Variants in IFT81 observed in about 807,000 individuals in gnomAD.
IFT81 encodes the protein intraflagellar transport protein 81 homolog.
In IFT81, 72 loss-of-function variants were observed where a neutral mutation model predicts 102.6. The observed-to-expected ratio is 0.70, with a 90% CI of 0.58 to 0.85. The LOEUF is 0.85. Among genes scored for constraint, IFT81 ranks in the 40% least tolerant of loss-of-function variants. IFT81 has a pLI of 0.00. For synonymous variants in IFT81, 237 were observed against 242.7 expected, an observed-to-expected ratio of 0.98 and a Z score of 0.22; for missense variants, 723 against 787.3, an observed-to-expected ratio of 0.92 and a Z score of 0.98.
chr12:110,146,954 TAAATG>T lies in IFT81; in HGVS notation c.952_956del (p.Glu318LysfsTer5), dbSNP rs1895259806. The stretch of plus-strand genomic sequence containing the variant: ...TTTTTTGCTTTCATGCTATTTTAGA[TAAATG>T]AAATAAACACAGAAATTAACCAGTT... On this transcript the variant is annotated frameshift_variant and splice_region_variant, in exon 10 of 19. Transcript: ENST00000242591. LOFTEE classifies it high-confidence loss of function. 1 of 1,600,342 alleles carries T rather than the reference TAAATG, an allele frequency of 6.2e-7. No homozygotes were observed. The highest frequency in any genetic ancestry group is 1.4e-5 in the African/African-American group (1 of 74,060).
At chr12:110,188,845 C>T (rs1897669640) in intron 12 of IFT81, among the ~76,000 whole-genome samples, 1 of 151,786 alleles carries the variant, frequency 6.6e-6, no homozygotes, top group African/African-American at 2.4e-5. Context: ...AGGAGAATCG[C>T]TTGAACCCGG....
rs2137296210 is a variant in IFT81, at chr12:110,129,030, A to T, written c.329A>T (p.Asn110Ile). The T allele has an allele frequency of 1.2e-6, 2 of 1,609,610 alleles. No individual in the cohort carries two copies. The highest frequency in any genetic ancestry group is 4.5e-5 in the East Asian group (2 of 44,844). Reference protein sequence around the residue: ...PVLHWLLQRTNELKKRAYLAR... With the variant: ...PVLHWLLQRTIELKKRAYLAR... ...CTCCACTGGCTTCTTCAGAGGACTA[A>T]TGAACTGAAGAAAAGAGCATATTTA... The change falls in exon 4 of 19, where the codon AAT (asparagine) becomes ATT (isoleucine). Residue 110 changes from asparagine (N) to isoleucine (I), a missense_variant. Physicochemically the swap from Asn to Ile is moderately radical, Grantham distance 149. Coordinates refer to ENST00000242591, the MANE Select transcript of IFT81 (RefSeq NM_014055.4).
chr12:110,210,293 A>T (rs536814125), intron 18 of IFT81, among the ~76,000 whole-genome samples: 5 of 152,354 alleles, frequency 3.3e-5, no homozygotes, highest in African/African-American at 1.2e-4. Context: ...AAGTACGTAG[A>T]TGAGAAATTT....
chr12:110,174,380 G>C (rs1593336044), intron 11 of IFT81, among the ~76,000 whole-genome samples: 1 of 150,282 alleles, frequency 6.7e-6, no homozygotes, highest in African/African-American at 2.5e-5. Flanking sequence ...GCTTGAACCT[G>C]GGAGGCGGAG....
intron 10 of IFT81, among the ~76,000 whole-genome samples, chr12:110,154,717 G>T (rs1216155690): frequency 1.3e-5 from 2 of 151,324 alleles, no homozygotes; most frequent in African/African-American, 4.9e-5. Context: ...TATTTCTGTT[G>T]ATGATTTCTA....
chr12:110,157,453 G>A (rs1039508648), intron 10 of IFT81, among the ~76,000 whole-genome samples: 10 of 152,188 alleles, frequency 6.6e-5, no homozygotes, highest in African/African-American at 2.4e-4. Flanking sequence ...GAAGTTTAAA[G>A]AGAGAAGATC....
intron 13 of IFT81, 38 bp from the exon 14 acceptor site, chr12:110,192,579 T>C: frequency 9.0e-7 from 1 of 1,113,834 alleles, no homozygotes. Flanking sequence ...TTTTTTTGAA[T>C]TCTTTTTTAG....
chr12:110,141,403 A>G (rs970083268), intron 8 of IFT81, among the ~76,000 whole-genome samples: 9 of 152,338 alleles, frequency 5.9e-5, no homozygotes, highest in African/African-American at 1.7e-4. Context: ...AAGAAGGAAT[A>G]GTGAAGTAAT....
chr12:110,191,092 A>G (rs1897776610), intron 13 of IFT81, 44 bp downstream of exon 13: 2 of 1,543,180 alleles, frequency 1.3e-6, no homozygotes, highest in East Asian at 4.6e-5. Flanking sequence ...GTGTAGCTAG[A>G]AGGCAGGTGT....
intron 12 of IFT81, among the ~76,000 whole-genome samples, chr12:110,181,679 C>T (rs1897318180): frequency 1.3e-5 from 2 of 152,156 alleles, no homozygotes; most frequent in South Asian, 4.1e-4. Context: ...TTTTGTCTGC[C>T]TGTTCCATCA....
chr12:110,173,774 G>A (rs1896899499), intron 11 of IFT81, among the ~76,000 whole-genome samples: 2 of 152,190 alleles, frequency 1.3e-5, no homozygotes, highest in East Asian at 3.9e-4. Flanking sequence ...CAGCATGCTG[G>A]TTAAGAGTCA....
intron 5 of IFT81, among the ~76,000 whole-genome samples, chr12:110,133,767 G>A (rs570558205): frequency 3.0e-4 from 46 of 152,252 alleles, no homozygotes; most frequent in Non-Finnish European, 5.1e-4. Context: ...TTCAATTAAT[G>A]TCATTTCATG....
At chr12:110,142,496 G>A (rs906054402) in intron 8 of IFT81, among the ~76,000 whole-genome samples, 3 of 152,084 alleles carry the variant, frequency 2.0e-5, no homozygotes, top group Non-Finnish European at 4.4e-5. Context: ...TTAACTTGTG[G>A]TGCTTTTAGT....
chr12:110,127,550 T>C, intron 2 of IFT81, 26 bp downstream of exon 2: 4 of 1,564,232 alleles, frequency 2.6e-6, no homozygotes, highest in Non-Finnish European at 3.4e-6. Context: ...TTCTTTTTGA[T>C]GGGTAGCAGA....
intron 11 of IFT81, among the ~76,000 whole-genome samples, chr12:110,166,422 T>G (rs536019075): frequency 6.6e-6 from 1 of 152,128 alleles, no homozygotes; most frequent in Admixed American, 6.6e-5. Flanking sequence ...GCATGCTCAG[T>G]CTTGAGCACT....
At chr12:110,199,739 A>G (rs531450782) in intron 14 of IFT81, among the ~76,000 whole-genome samples, 1 of 152,248 alleles carries the variant, frequency 6.6e-6, no homozygotes, top group South Asian at 2.1e-4. Flanking sequence ...ATTCTGTACT[A>G]GTGACCCCAG....
Position 110,127,392 on chromosome 12 carries a change from A to C in IFT81, c.12A>C (p.Gln4His), listed in dbSNP as rs1405751184. The C allele has an allele frequency of 1.3e-6, 2 of 1,581,094 alleles. No individual in the cohort carries two copies. Among genetic ancestry groups the C allele is most frequent in the East Asian group, 2.3e-5 (1 of 44,146 alleles). Residue 4 changes from glutamine (Q) to histidine (H), a missense_variant, in exon 2 of 19, where the codon CAA becomes CAC. By Grantham distance (24) the Gln-to-His change is conservative (BLOSUM62 0). Transcript: ENST00000242591. Reference sequence around the variant, plus strand: ...TATAAGACCTAATTATGAGTGATCAAATTAAATTCATTATGGACAGTCTCA... The same window carrying C: ...TATAAGACCTAATTATGAGTGATCACATTAAATTCATTATGGACAGTCTCA... MSDQIKFIMDSLNK... is the reference protein window; with the variant it reads MSDHIKFIMDSLNK...
chr12:110,191,949 T>C (rs1346279924), intron 13 of IFT81, among the ~76,000 whole-genome samples: 1 of 151,974 alleles, frequency 6.6e-6, no homozygotes, highest in Non-Finnish European at 1.5e-5. Context: ...GGCGGGAGGA[T>C]CACTTGAGGT....
intron 18 of IFT81, 25 bp downstream of exon 18, chr12:110,209,241 A>G (rs1254055847): frequency 8.0e-7 from 1 of 1,248,692 alleles, no homozygotes; most frequent in African/African-American, 1.5e-5. Context: ...TTATTTTTTT[A>G]AATGTGTCTA....
Sources: gnomAD v4.1 joint callset for allele counts (sites outside exome capture counted in the v4.1 genomes callset) on GRCh38, gnomAD v4.1.1 for gene constraint, MANE v1.5 for transcripts, NCBI Gene and HGNC (gene_info 2026-07-23, HGNC 2026-07-21) for gene names.